Variants in LRRC4C observed in about 807,000 individuals in gnomAD.
LRRC4C encodes leucine-rich repeat-containing protein 4C.
In LRRC4C, 5 loss-of-function variants were observed where a neutral mutation model predicts 33.6. The ratio of observed to expected loss-of-function variants is 0.15; its 90% confidence interval spans 0.08 to 0.31. The LOEUF (loss-of-function observed/expected upper bound fraction) is 0.31, where lower values mean the gene tolerates loss of function less well. Ranked by LOEUF, LRRC4C falls within the 10% of genes least tolerant of loss-of-function variation. LRRC4C has a pLI of 1.00. For missense variants in LRRC4C, 560 were observed against 796.7 expected (o/e 0.70, Z 3.58); for synonymous variants, 329 against 302.0 (o/e 1.09, Z -0.93).
At chr11:41,050,993 T>C (rs1200908770) in intron 1 of LRRC4C, among the ~76,000 whole-genome samples, 1 of 152,204 alleles carries the variant, frequency 6.6e-6, no homozygotes, top group East Asian at 1.9e-4. Flanking sequence ...ATTAGTTTCA[T>C]ACTGGGAGCC....
intron 2 of LRRC4C, among the ~76,000 whole-genome samples, chr11:40,889,446 TC>T (rs1955607453): frequency 2.0e-5 from 3 of 152,144 alleles, no homozygotes; most frequent in Non-Finnish European, 4.4e-5. Context: ...TGTGATTTTT[TC>T]TTTTCTCATG....
chr11:40,549,629 G>A (rs957863056), intron 3 of LRRC4C, among the ~76,000 whole-genome samples: 2 of 152,166 alleles, frequency 1.3e-5, no homozygotes, highest in African/African-American at 4.8e-5. Flanking sequence ...TCAATTCTGA[G>A]AGAATTATTG....
At chr11:40,897,690 G>A (rs1956007807) in intron 2 of LRRC4C, among the ~76,000 whole-genome samples, 1 of 152,188 alleles carries the variant, frequency 6.6e-6, no homozygotes, top group African/African-American at 2.4e-5. Context: ...GATAGAAAAA[G>A]CAATATACAG....
At chr11:40,905,700 T>C (rs1050124040) in intron 2 of LRRC4C, among the ~76,000 whole-genome samples, 8 of 152,178 alleles carry the variant, frequency 5.3e-5, no homozygotes, top group African/African-American at 1.9e-4. Context: ...GTTTCCCAGG[T>C]GGGGGCAGTG....
intron 1 of LRRC4C, among the ~76,000 whole-genome samples, chr11:41,266,164 A>G (rs919409886): frequency 6.6e-6 from 1 of 152,146 alleles, no homozygotes; most frequent in Non-Finnish European, 1.5e-5. Flanking sequence ...CCAACAATGA[A>G]GAAATAAATG....
At chr11:40,836,375 A>T (rs569874259) in intron 2 of LRRC4C, among the ~76,000 whole-genome samples, 5 of 152,300 alleles carry the variant, frequency 3.3e-5, no homozygotes, top group African/African-American at 1.2e-4. Flanking sequence ...GTAGCAAGTG[A>T]GGTGCACTTA....
intron 2 of LRRC4C, among the ~76,000 whole-genome samples, chr11:40,773,884 A>G (rs924749740): frequency 2.6e-5 from 4 of 152,080 alleles, no homozygotes; most frequent in African/African-American, 9.7e-5. Context: ...AAAATTAACC[A>G]TTTCAAAGTA....
chr11:41,057,920 C>G (rs1296630626), intron 1 of LRRC4C, among the ~76,000 whole-genome samples: 1 of 152,144 alleles, frequency 6.6e-6, no homozygotes, highest in Non-Finnish European at 1.5e-5. Context: ...TTGGAACACC[C>G]TGGGAACAGA....
At chr11:41,452,213 T>G (rs377033521) in intron 1 of LRRC4C, among the ~76,000 whole-genome samples, 1 of 152,136 alleles carries the variant, frequency 6.6e-6, no homozygotes, top group Admixed American at 6.6e-5. Context: ...TGCACCATTG[T>G]GTGCTTACTT....
chr11:40,983,183 T>C (rs1592254800), intron 1 of LRRC4C, among the ~76,000 whole-genome samples: 1 of 152,200 alleles, frequency 6.6e-6, no homozygotes, highest in African/African-American at 2.4e-5. Flanking sequence ...CCTTTGGGTA[T>C]ATACCCAGTA....
intron 1 of LRRC4C, among the ~76,000 whole-genome samples, chr11:41,144,779 A>G (rs529661348): frequency 1.3e-3 from 201 of 152,298 alleles, no homozygotes; most frequent in Non-Finnish European, 2.2e-3. Flanking sequence ...AGAATTTCTA[A>G]TTCTTTGCAC....
chr11:40,769,729 A>C (rs188373553), intron 2 of LRRC4C, among the ~76,000 whole-genome samples: 1 of 152,340 alleles, frequency 6.6e-6, no homozygotes. Flanking sequence ...TACACTGGGG[A>C]AAGAACAGTC....
chr11:41,010,851 C>G (rs1855123467), intron 1 of LRRC4C, among the ~76,000 whole-genome samples: 1 of 152,068 alleles, frequency 6.6e-6, no homozygotes, highest in African/African-American at 2.4e-5. Context: ...AACAGGTTGA[C>G]TCTTGGAAAT....
intron 3 of LRRC4C, among the ~76,000 whole-genome samples, chr11:40,551,201 G>C (rs997970683): frequency 6.6e-6 from 1 of 151,866 alleles, no homozygotes; most frequent in African/African-American, 2.4e-5. Flanking sequence ...ATGGTTAAAT[G>C]GCTAAAACAA....
intron 1 of LRRC4C, among the ~76,000 whole-genome samples, chr11:41,137,417 A>G: frequency 6.6e-6 from 1 of 152,294 alleles, no homozygotes; most frequent in South Asian, 2.1e-4. Context: ...TATTTTGGGG[A>G]AATGGTAATA....
intron 3 of LRRC4C, among the ~76,000 whole-genome samples, chr11:40,606,141 A>C (rs901672145): frequency 6.6e-6 from 1 of 152,152 alleles, no homozygotes; most frequent in Non-Finnish European, 1.5e-5. Context: ...GGTGCTGAGG[A>C]GCTCATTTCT....
At chr11:40,234,702 T>C (rs1865436679) in intron 5 of LRRC4C, among the ~76,000 whole-genome samples, 1 of 152,024 alleles carries the variant, frequency 6.6e-6, no homozygotes, top group African/African-American at 2.4e-5. Context: ...GCCCAGGAGG[T>C]CAAGGCTGCA....
chr11:41,237,820 T>C (rs559940491), intron 1 of LRRC4C, among the ~76,000 whole-genome samples: 4 of 152,200 alleles, frequency 2.6e-5, no homozygotes, highest in Admixed American at 1.3e-4. Flanking sequence ...TTCTCTGTGT[T>C]TTTAAAATGT....
At chr11:40,659,612 C>T (rs968791578) in intron 2 of LRRC4C, among the ~76,000 whole-genome samples, 4 of 152,202 alleles carry the variant, frequency 2.6e-5, no homozygotes, top group Non-Finnish European at 5.9e-5. Context: ...TGGGAAGGAA[C>T]TACCAACTTA....
Sources: allele counts gnomAD v4.1 joint callset (sites outside exome capture counted in the v4.1 genomes callset), GRCh38; gene constraint gnomAD v4.1.1; transcripts MANE v1.5; gene names NCBI Gene and HGNC (gene_info 2026-07-23, HGNC 2026-07-21).